TMEM144: variants seen among roughly 807,000 people sequenced by gnomAD.
TMEM144 encodes the protein transmembrane protein 144.
TMEM144 carries 39 observed loss-of-function variants against 43.6 expected under a neutral mutation model. The observed-to-expected ratio is 0.90, with a 90% CI of 0.69 to 1.17. The LOEUF is 1.17. Ranked by LOEUF, TMEM144 falls within the 50% of genes most tolerant of loss-of-function variation. The probability of loss-of-function intolerance (pLI) is 0.00; values close to 1 mark genes in which losing one functional copy is unlikely to be tolerated. For synonymous variants in TMEM144, 154 were observed against 133.6 expected (o/e 1.15, Z -1.06); for missense variants, 417 against 411.9 (o/e 1.01, Z -0.11).
At chr4:158,243,346 A>T (rs1188146900) in intron 11 of TMEM144, among the ~76,000 whole-genome samples, 2 of 152,118 alleles carry the variant, frequency 1.3e-5, no homozygotes, top group African/African-American at 2.4e-5. Context: ...AACAGAGAGG[A>T]GTGTATTTTT....
chr4:158,230,831 A>G (rs190766051), intron 6 of TMEM144, among the ~76,000 whole-genome samples: 2 of 152,246 alleles, frequency 1.3e-5, no homozygotes, highest in Non-Finnish European at 2.9e-5. Flanking sequence ...TGACACTCCT[A>G]TAATAAAAGA....
At chr4:158,224,965 G>A (rs774059297) in intron 6 of TMEM144, among the ~76,000 whole-genome samples, 1 of 152,214 alleles carries the variant, frequency 6.6e-6, no homozygotes, top group Non-Finnish European at 1.5e-5. Flanking sequence ...AGAGCAAGGT[G>A]GCAGGGTCAG....
rs1450570542 is a variant in TMEM144 at position 158,254,601 on chromosome 4, G to T, written c.*1074G>T. ...ATAGCAAGGTCCCATCTCTAAAAAAGAAATTTAATTTAAATTTGTAAGAAA... is the reference window on the plus strand; with the variant it reads ...ATAGCAAGGTCCCATCTCTAAAAAATAAATTTAATTTAAATTTGTAAGAAA... On this transcript the variant is annotated 3_prime_UTR_variant, in exon 13 of 13. Coordinates refer to ENST00000296529, the MANE Select transcript of TMEM144 (RefSeq NM_018342.5). 2.0e-5 allele frequency: 3 copies of T among 151,900 alleles called. No homozygotes were observed. Among genetic ancestry groups the T allele is most frequent in the Non-Finnish European group, 4.4e-5 (3 of 67,956 alleles). The allele number at this position is 151,900 out of a possible 1,614,324, so 9.4% of individuals were successfully genotyped here.
In TMEM144 at chr4:158,253,593, C is replaced by T; in HGVS notation, c.*66C>T. Reference sequence around the variant, plus strand: ...CGCGTCTATCGGACAGCGGAGAGATCATGCTGAGAAAAGAGTGCATTTTCA... The same window carrying T: ...CGCGTCTATCGGACAGCGGAGAGATTATGCTGAGAAAAGAGTGCATTTTCA... On this transcript the variant is annotated 3_prime_UTR_variant, in exon 13 of 13. Coordinates refer to ENST00000296529, the MANE Select transcript of TMEM144 (RefSeq NM_018342.5). 7.4e-7 allele frequency: 1 copy of T among 1,345,028 alleles called. No individual in the cohort carries two copies. The highest frequency in any genetic ancestry group is 1.2e-5 in the South Asian group (1 of 81,232). 83.3% of individuals were successfully genotyped at this position (1,345,028 alleles called of 1,614,324 possible). A position where few individuals can be genotyped will look rare whatever the true frequency, so the allele number is the denominator to read the frequency against.
chr4:158,222,834 T>A (rs1278416755), intron 6 of TMEM144, among the ~76,000 whole-genome samples: 2 of 152,220 alleles, frequency 1.3e-5, no homozygotes, highest in Non-Finnish European at 2.9e-5. Flanking sequence ...CTAGGGAAGC[T>A]GGAAAGCTTG....
chr4:158,221,715 C>T (rs1414679789), intron 6 of TMEM144, among the ~76,000 whole-genome samples: 1 of 152,116 alleles, frequency 6.6e-6, no homozygotes, highest in Non-Finnish European at 1.5e-5. Flanking sequence ...ATTATTTTAC[C>T]TTGTGAGGAA....
Position 158,254,430 on chromosome 4 carries a change from T to C in TMEM144, c.*903T>C, listed in dbSNP as rs1261056655. On this transcript the variant is annotated 3_prime_UTR_variant, in exon 13 of 13. Transcript: ENST00000296529. The stretch of plus-strand genomic sequence containing the variant: ...AGTAGGCAAAATAAAATGACAGGCA[T>C]GCTAGTTTTTTTTTTTTTTTTTTTT... 7.3e-6 allele frequency: 1 copy of C among 137,124 alleles called. No homozygotes were observed. Among genetic ancestry groups the C allele is most frequent in the African/African-American group, 2.6e-5 (1 of 37,878 alleles). The allele number at this position is 137,124 out of a possible 1,614,324, so 8.5% of individuals were successfully genotyped here. A position where few individuals can be genotyped will look rare whatever the true frequency, so the allele number is the denominator to read the frequency against.
At chr4:158,210,995 T>A (rs553382623) in intron 1 of TMEM144, 1 of 152,334 alleles carries the variant, frequency 6.6e-6, no homozygotes, top group African/African-American at 2.4e-5. Context: ...TGTTTGAGAC[T>A]TTTTAGGTTT....
At chr4:158,214,545 C>A (rs1025601243) in intron 3 of TMEM144, among the ~76,000 whole-genome samples, 1 of 152,176 alleles carries the variant, frequency 6.6e-6, no homozygotes, top group African/African-American at 2.4e-5. Context: ...TACAGATACA[C>A]CTCATCACCA....
chr4:158,210,766 GA>G (rs1172769140), intron 1 of TMEM144, 180 bp downstream of exon 1: 5 of 152,174 alleles, frequency 3.3e-5, no homozygotes, highest in African/African-American at 1.2e-4. Context: ...AAATCAACAT[GA>G]AACTAAAAAT....
intron 5 of TMEM144, among the ~76,000 whole-genome samples, chr4:158,217,740 T>C (rs1391814207): frequency 3.3e-5 from 5 of 152,182 alleles, no homozygotes; most frequent in African/African-American, 1.2e-4. Context: ...CTCATCTCAC[T>C]TTCACAAATA....
chr4:158,212,850 T>C (rs375983373), intron 3 of TMEM144, 74 bp downstream of exon 3: 3 of 1,148,042 alleles, frequency 2.6e-6, no homozygotes, highest in South Asian at 2.6e-5. Context: ...CTTTTAAAAG[T>C]ATAGCTACAA....
chr4:158,222,849 T>G lies in TMEM144; in HGVS notation c.413+3459T>G, dbSNP rs114088579. 5.1e-3 allele frequency among the ~76,000 whole-genome samples: 776 copies of G among 152,318 alleles called. 3 individuals are homozygous for G. The highest frequency in any genetic ancestry group is 0.018 in the African/African-American group (731 of 41,574). On this transcript the variant is annotated intron_variant, in intron 6 of 12. Coordinates refer to ENST00000296529, the MANE Select transcript of TMEM144 (RefSeq NM_018342.5). ...CTAGGGAAGCTGGAAAGCTTGAAAA[T>G]GTAAAGAAGAATCATTGGGTAAAAC...
At chr4:158,220,431 C>T (rs1734454880) in intron 6 of TMEM144, among the ~76,000 whole-genome samples, 1 of 152,132 alleles carries the variant, frequency 6.6e-6, no homozygotes. Context: ...CAATTGAAGG[C>T]CAGTTTACCC....
intron 4 of TMEM144, among the ~76,000 whole-genome samples, chr4:158,216,946 A>G (rs908015336): frequency 6.6e-6 from 1 of 152,188 alleles, no homozygotes; most frequent in Non-Finnish European, 1.5e-5. Context: ...GGCCTGTTTT[A>G]TGGCCAAGTA....
At chr4:158,231,457 T>C (rs766363201) in intron 6 of TMEM144, among the ~76,000 whole-genome samples, 2 of 152,154 alleles carry the variant, frequency 1.3e-5, no homozygotes, top group Admixed American at 6.5e-5. Context: ...GACCCCAACA[T>C]TGGCTTTTAT....
At chr4:158,246,995 G>T (rs1429671785) in intron 12 of TMEM144, among the ~76,000 whole-genome samples, 1 of 151,796 alleles carries the variant, frequency 6.6e-6, no homozygotes, top group African/African-American at 2.4e-5. Context: ...GGAATGTTTT[G>T]TTTTGTTTTT....
chr4:158,214,894 G>C (rs1411046333), intron 3 of TMEM144, among the ~76,000 whole-genome samples: 1 of 152,192 alleles, frequency 6.6e-6, no homozygotes, highest in Non-Finnish European at 1.5e-5. Context: ...AGGAAAAAAA[G>C]AATGTTAAGC....
Position 158,253,622 on chromosome 4 carries a change from A to G in TMEM144, c.*95A>G, listed in dbSNP as rs555674065. ...CTGAGAAAAGAGTGCATTTTCATAT[A>G]GCAAATGGATCTCAGCCACTGTTGG... On this transcript the variant is annotated 3_prime_UTR_variant, in exon 13 of 13. Coordinates refer to ENST00000296529, the MANE Select transcript of TMEM144 (RefSeq NM_018342.5). 2.0e-4 allele frequency: 198 copies of G among 983,348 alleles called. 1 individual carries two copies. Among genetic ancestry groups the G allele is most frequent in the South Asian group, 1.1e-3 (74 of 65,436 alleles). The allele number at this position is 983,348 out of a possible 1,614,324, so 60.9% of individuals were successfully genotyped here. A position where few individuals can be genotyped will look rare whatever the true frequency, so the allele number is the denominator to read the frequency against.
Sources: gnomAD v4.1 joint callset for allele counts (sites outside exome capture counted in the v4.1 genomes callset) on GRCh38, gnomAD v4.1.1 for gene constraint, MANE v1.5 for transcripts, NCBI Gene and HGNC (gene_info 2026-07-23, HGNC 2026-07-21) for gene names.